Variants in SMIM35 observed in about 807,000 individuals in gnomAD.
SMIM35 encodes TMPRSS4 antisense RNA 1 (non-protein coding).
At chr11:118,033,801 C>G (rs993948558) in intron 1 of SMIM35, among the ~76,000 whole-genome samples, 1 of 152,162 alleles carries the variant, frequency 6.6e-6, no homozygotes, top group Non-Finnish European at 1.5e-5. Flanking sequence ...CAATATAGAA[C>G]AAAAGTTAAG....
chr11:118,076,556 C>T (rs1944695598), intron 1 of SMIM35, among the ~76,000 whole-genome samples: 1 of 152,152 alleles, frequency 6.6e-6, no homozygotes, highest in Non-Finnish European at 1.5e-5. Context: ...TATTGAACGG[C>T]TGCTGAGGCA....
chr11:118,069,581 G>C lies in SMIM35; in HGVS notation c.7+17170C>G, dbSNP rs148197013. ...GTACAGGGGCTTCATATATGCTTTA[G>C]AGACTGTTTTAGTTAGAATACTGCC... On this transcript the variant is annotated intron_variant, in intron 1 of 4. Coordinates refer to ENST00000689828, the MANE Select transcript of SMIM35 (RefSeq NM_001394165.1). Among the ~76,000 whole-genome samples, 74 of 152,302 alleles carry C rather than the reference G, an allele frequency of 4.9e-4. No individual in the cohort carries two copies. The Middle Eastern group carries it at 0.01, about 21-fold the overall frequency.
chr11:118,014,158 T>A (rs1443309214), intron 3 of SMIM35, among the ~76,000 whole-genome samples: 1 of 152,232 alleles, frequency 6.6e-6, no homozygotes, highest in African/African-American at 2.4e-5. Context: ...TGCCTGAGAT[T>A]ACATTATTTG....
intron 2 of SMIM35, among the ~76,000 whole-genome samples, chr11:118,015,238 T>G (rs184141033): frequency 6.6e-6 from 1 of 152,306 alleles, no homozygotes; most frequent in East Asian, 1.9e-4. Flanking sequence ...AAAGTGCAGC[T>G]ATGTCTCAGA....
chr11:118,017,162 C>A (rs1331013289), intron 1 of SMIM35, among the ~76,000 whole-genome samples: 1 of 152,090 alleles, frequency 6.6e-6, no homozygotes, highest in Admixed American at 6.6e-5. Context: ...AAATCTCCAG[C>A]CCAGAGAGAT....
At position 118,040,368 on chromosome 11, in the gene SMIM35, A is replaced by G. The variant is rs150065509; in HGVS notation, c.8-24559T>C. On this transcript the variant is annotated intron_variant, in intron 1 of 4. Transcript: ENST00000689828. ...CCTTGAAGGCAGCAAGAGAAAAACA[A>G]TGCATTGGGAACTTGTAAGAGGACC... is the stretch of plus-strand genomic sequence containing the variant. 7.5e-4 allele frequency among the ~76,000 whole-genome samples: 114 copies of G among 152,352 alleles called. 1 individual carries two copies. The East Asian group carries it at 0.016, about 21-fold the overall frequency.
intron 1 of SMIM35, among the ~76,000 whole-genome samples, chr11:118,084,372 G>C (rs1017059773): frequency 6.6e-6 from 1 of 152,236 alleles, no homozygotes; most frequent in Non-Finnish European, 1.5e-5. Context: ...GGGCAGGAAA[G>C]CAGTAAAGGA....
chr11:118,055,859 T>G (rs980715052), intron 1 of SMIM35, among the ~76,000 whole-genome samples: 2 of 152,154 alleles, frequency 1.3e-5, no homozygotes, highest in South Asian at 2.1e-4. Context: ...ACAGGTAATC[T>G]GTGCTATAAG....
At chr11:118,010,508 G>T (rs2058144482) in intron 4 of SMIM35, among the ~76,000 whole-genome samples, 1 of 152,220 alleles carries the variant, frequency 6.6e-6, no homozygotes, top group Non-Finnish European at 1.5e-5. Context: ...CCAGTTTTAG[G>T]AGTTACTAAA....
chr11:118,032,769 G>A (rs377736188), intron 1 of SMIM35, among the ~76,000 whole-genome samples: 6 of 152,026 alleles, frequency 3.9e-5, no homozygotes, highest in Non-Finnish European at 8.8e-5. Context: ...TTATCCAGGC[G>A]TGGTGGCAGG....
At chr11:118,077,226 G>A (rs961965363) in intron 1 of SMIM35, 36 of 1,554,982 alleles carry the variant, frequency 2.3e-5, no homozygotes, top group Non-Finnish European at 3.1e-5. Flanking sequence ...GACCTGTGTG[G>A]GGAGGCCCTC....
chr11:118,019,384 A>G (rs1414901947), intron 1 of SMIM35, among the ~76,000 whole-genome samples: 1 of 152,206 alleles, frequency 6.6e-6, no homozygotes, highest in South Asian at 2.1e-4. Flanking sequence ...GAGTTCCAGC[A>G]CAGGAGGGAA....
At chr11:118,065,486 G>T (rs1305778339) in intron 1 of SMIM35, among the ~76,000 whole-genome samples, 13 of 152,150 alleles carry the variant, frequency 8.5e-5, no homozygotes, top group Non-Finnish European at 1.9e-4. Flanking sequence ...ACCTTCCGTC[G>T]CTGGCCAACT....
chr11:118,029,628 T>A, intron 1 of SMIM35: 1 of 457,124 alleles, frequency 2.2e-6, no homozygotes, highest in South Asian at 1.5e-5. Context: ...TCACCCAGTG[T>A]TTCTTTTTCA....
At chr11:118,072,206 G>C (rs545829722) in intron 1 of SMIM35, among the ~76,000 whole-genome samples, 2 of 152,258 alleles carry the variant, frequency 1.3e-5, no homozygotes, top group African/African-American at 4.8e-5. Flanking sequence ...GAAACAACTG[G>C]CAGCCAGGCA....
At chr11:118,034,956 ATT>A (rs377179849) in intron 1 of SMIM35, among the ~76,000 whole-genome samples, 5,800 of 141,878 alleles carry the variant, frequency 0.041, 188 homozygotes, top group East Asian at 0.2. Context: ...TTCCTTCTGA[ATT>A]TTTTTTTTTT....
At chr11:118,027,765 A>G (rs981748050) in intron 1 of SMIM35, among the ~76,000 whole-genome samples, 5 of 152,180 alleles carry the variant, frequency 3.3e-5, no homozygotes, top group African/African-American at 1.2e-4. Flanking sequence ...CATCCACATT[A>G]TCCAAAAGCA....
chr11:118,025,564 G>C, intron 1 of SMIM35: 1 of 454,484 alleles, frequency 2.2e-6, no homozygotes, highest in Non-Finnish European at 4.4e-6. Flanking sequence ...GCATTTTTTC[G>C]TGTTTGTTGG....
intron 1 of SMIM35, among the ~76,000 whole-genome samples, chr11:118,033,463 T>G (rs1265132592): frequency 1.3e-5 from 2 of 152,216 alleles, no homozygotes; most frequent in African/African-American, 4.8e-5. Flanking sequence ...CCTGTGTATT[T>G]TTTTTCCTAT....
Sources: gnomAD v4.1 joint callset for allele counts (sites outside exome capture counted in the v4.1 genomes callset) on GRCh38, gnomAD v4.1.1 for gene constraint, MANE v1.5 for transcripts, NCBI Gene and HGNC (gene_info 2026-07-23, HGNC 2026-07-21) for gene names.